BICDL1: variants seen among roughly 807,000 people sequenced by gnomAD.
The protein encoded by BICDL1 is BICD family-like cargo adapter 1.
BICDL1 carries 20 observed loss-of-function variants against 76.8 expected under a neutral mutation model. The observed-to-expected ratio is 0.26, with a 90% CI of 0.18 to 0.38. BICDL1 has a LOEUF of 0.38. Ranked by LOEUF, BICDL1 falls within the 10% of genes least tolerant of loss-of-function variation. The pLI is 1.00. For synonymous variants in BICDL1, 383 were observed against 337.1 expected, an observed-to-expected ratio of 1.14 and a Z score of -1.49; for missense variants, 700 against 798.6, an observed-to-expected ratio of 0.88 and a Z score of 1.49.
intron 7 of BICDL1, among the ~76,000 whole-genome samples, chr12:120,077,366 GCCT>G (rs896531805): frequency 6.6e-6 from 1 of 152,156 alleles, no homozygotes; most frequent in Non-Finnish European, 1.5e-5. Context: ...GCAAGGAACT[GCCT>G]CCTCCTCTGT....
chr12:120,084,714 AG>A (rs1315219541), intron 8 of BICDL1, among the ~76,000 whole-genome samples: 1 of 152,008 alleles, frequency 6.6e-6, no homozygotes, highest in African/African-American at 2.4e-5. Context: ...ACATGGTGAA[AG>A]CCCGTCTCTA....
intron 2 of BICDL1, among the ~76,000 whole-genome samples, chr12:120,021,712 C>T (rs1952186557): frequency 6.6e-6 from 1 of 150,976 alleles, no homozygotes; most frequent in South Asian, 2.1e-4. Flanking sequence ...GGAGATCAAC[C>T]TGGCTAACAT....
At chr12:120,029,988 T>C (rs1158995680) in intron 2 of BICDL1, among the ~76,000 whole-genome samples, 1 of 152,172 alleles carries the variant, frequency 6.6e-6, no homozygotes, top group East Asian at 1.9e-4. Flanking sequence ...CAACCTTCTT[T>C]TAAAATAGTC....
At chr12:120,078,216 C>A (rs995601022) in intron 7 of BICDL1, among the ~76,000 whole-genome samples, 2 of 152,202 alleles carry the variant, frequency 1.3e-5, no homozygotes, top group African/African-American at 4.8e-5. Context: ...GTCACAGTTA[C>A]CCTGCTCACA....
chr12:119,999,692 C>T (rs1951722622), intron 2 of BICDL1: 3 of 346,880 alleles, frequency 8.6e-6, no homozygotes, highest in African/African-American at 4.4e-5. Flanking sequence ...AATTTAAATA[C>T]AGAACATACC....
chr12:120,013,228 C>T (rs977956432), intron 2 of BICDL1, among the ~76,000 whole-genome samples: 8 of 150,850 alleles, frequency 5.3e-5, no homozygotes, highest in African/African-American at 2.0e-4. Flanking sequence ...GCAGGAGAAT[C>T]GTTTGAACCT....
At chr12:119,996,589 G>C (rs7962812) in intron 1 of BICDL1, among the ~76,000 whole-genome samples, 19 of 151,794 alleles carry the variant, frequency 1.3e-4, no homozygotes, top group Admixed American at 1.2e-3. Flanking sequence ...AAGATTCATA[G>C]GTGCATTTTA....
At chr12:120,008,457 C>G (rs1258041714) in intron 2 of BICDL1, among the ~76,000 whole-genome samples, 1 of 152,182 alleles carries the variant, frequency 6.6e-6, no homozygotes, top group African/African-American at 2.4e-5. Context: ...CTGTGCCCAG[C>G]CAATAGTTAC....
Position 119,990,240 on chromosome 12 carries a change from C to A in BICDL1, c.372C>A (p.Asn124Lys). ...ARLGKALLER[N>K]QDMSRQYEQM... The stretch of plus-strand genomic sequence containing the variant: ...TGGGTAAGGCGCTGCTCGAGAGGAA[C>A]CAGGACATGAGCCGGCAGTACGAGC... The change falls in exon 1 of 10, where the codon AAC (asparagine) becomes AAA (lysine). Residue 124 changes from asparagine to lysine, a missense_variant. This residue lies in a region of BICDL1 where 225 missense variants were observed against 199.6 expected (regional missense o/e 1.13). Coordinates refer to ENST00000548673, the MANE Select transcript of BICDL1 (RefSeq NM_001367886.1). 6.3e-7 allele frequency: 1 copy of A among 1,577,796 alleles called. No individual in the cohort carries two copies. The highest frequency in any genetic ancestry group is 1.8e-5 in the Admixed American group (1 of 54,828).
chr12:120,050,663 A>G (rs1952839402), intron 2 of BICDL1, among the ~76,000 whole-genome samples: 2 of 151,674 alleles, frequency 1.3e-5, no homozygotes, highest in African/African-American at 2.4e-5. Context: ...TTTGCTTGAG[A>G]CAGAGTCTTA....
chr12:120,072,500 C>G lies in BICDL1; in HGVS notation c.1090-11C>G. ...AGAGTCTGAAATGAATAGTAATTCTCTGTGGAACAGCTGAGACTGCAGCTC... is the reference window on the plus strand; with the variant it reads ...AGAGTCTGAAATGAATAGTAATTCTGTGTGGAACAGCTGAGACTGCAGCTC... On this transcript the variant is annotated splice_polypyrimidine_tract_variant and intron_variant, in intron 5 of 9. Transcript: ENST00000548673. 1.2e-6 allele frequency: 2 copies of G among 1,613,530 alleles called. No individual in the cohort carries two copies. Among genetic ancestry groups the G allele is most frequent in the Non-Finnish European group, 1.7e-6 (2 of 1,179,470 alleles).
intron 2 of BICDL1, among the ~76,000 whole-genome samples, chr12:120,020,447 C>A (rs182957728): frequency 9.2e-5 from 14 of 152,136 alleles, no homozygotes; most frequent in African/African-American, 3.4e-4. Flanking sequence ...GTTGTCAGAA[C>A]TAAAAATTAC....
chr12:120,049,683 C>G (rs1952816168), intron 2 of BICDL1, among the ~76,000 whole-genome samples: 1 of 152,150 alleles, frequency 6.6e-6, no homozygotes, highest in Non-Finnish European at 1.5e-5. Flanking sequence ...TGCCTCGGTC[C>G]CATTCACTCT....
chr12:120,005,112 C>T (rs763876498), intron 2 of BICDL1, among the ~76,000 whole-genome samples: 23 of 152,162 alleles, frequency 1.5e-4, no homozygotes, highest in Non-Finnish European at 2.6e-4. Flanking sequence ...GCATGAGCCA[C>T]CGTACCTGGC....
intron 2 of BICDL1, among the ~76,000 whole-genome samples, chr12:120,015,019 CTT>C (rs1433869289): frequency 6.6e-6 from 1 of 152,090 alleles, no homozygotes; most frequent in African/African-American, 2.4e-5. Flanking sequence ...ACAGACAAAT[CTT>C]ATGAGAGTCA....
intron 2 of BICDL1, among the ~76,000 whole-genome samples, chr12:120,005,629 A>C (rs1483363124): frequency 6.6e-6 from 1 of 152,208 alleles, no homozygotes; most frequent in Non-Finnish European, 1.5e-5. Context: ...TCGGCCTCCC[A>C]AAGTACTGGG....
chr12:119,993,435 A>G (rs772094648), intron 1 of BICDL1: 1 of 152,196 alleles, frequency 6.6e-6, no homozygotes, highest in Non-Finnish European at 1.5e-5. Context: ...AAGGCATACT[A>G]TTAATATTTA....
At position 120,093,149 on chromosome 12, in the gene BICDL1, C is replaced by T; in HGVS notation, c.1854C>T (p.Phe618=). The change falls in exon 10 of 10, where the codon TTC becomes TTT. Residue 618 remains phenylalanine, a synonymous_variant. Transcript: ENST00000548673. The part of the protein sequence containing the change: ...IAEGKRLFSF[F]RKI The stretch of plus-strand genomic sequence containing the variant: ...AAGGCAAACGACTCTTCTCATTCTT[C>T]AGGAAAATTTAAGTTGGGAGGAGTC... 2 of 1,604,622 alleles carry T rather than the reference C, an allele frequency of 1.2e-6. No homozygotes were observed. Among genetic ancestry groups the T allele is most frequent in the Non-Finnish European group, 1.7e-6 (2 of 1,175,242 alleles).
chr12:120,024,103 A>G (rs868809421), intron 2 of BICDL1, among the ~76,000 whole-genome samples: 1 of 152,100 alleles, frequency 6.6e-6, no homozygotes, highest in Non-Finnish European at 1.5e-5. Context: ...AACATGGTGA[A>G]ACCCTGTCTC....
Sources: allele counts gnomAD v4.1 joint callset (sites outside exome capture counted in the v4.1 genomes callset), GRCh38; gene constraint gnomAD v4.1.1; regional missense constraint gnomAD v4.1.1; transcripts MANE v1.5; gene names NCBI Gene and HGNC (gene_info 2026-07-23, HGNC 2026-07-21).